The following IL1RAPL1 variants were observed in gnomAD, a reference collection of about 807,000 sequenced individuals.
IL1RAPL1 encodes the protein interleukin 1 receptor accessory protein like 1.
IL1RAPL1 carries 3 observed loss-of-function variants against 48.4 expected under a neutral mutation model. The ratio of observed to expected loss-of-function variants is 0.06; its 90% CI spans 0.03 to 0.16. The LOEUF (loss-of-function observed/expected upper bound fraction) is 0.16. Among genes scored for constraint, IL1RAPL1 ranks in the 10% least tolerant of loss-of-function variants. The probability of loss-of-function intolerance (pLI) is 1.00; values close to 1 mark genes in which losing one functional copy is unlikely to be tolerated. For missense variants in IL1RAPL1, 349 were observed against 530.6 expected (o/e 0.66, Z 3.36); for synonymous variants, 185 against 187.7 (o/e 0.99, Z 0.12).
chrX:29,406,717 A>G lies in IL1RAPL1; in HGVS notation c.703+7409A>G, dbSNP rs762770939. 2.0e-4 allele frequency among the ~76,000 whole-genome samples: 19 copies of G among 96,881 alleles called. No individual in the cohort carries two copies. The South Asian group carries it at 6.1e-3, about 31-fold the overall frequency. The allele number at this position is 96,881 out of a possible 115,157, so 84.1% of individuals were successfully genotyped here. ...TAAGTCAAATAACATCAGTTTTCTT[A>G]TATTGTTAAGTCAAATGCCTGCCTG... On this transcript the variant is annotated intron_variant, in intron 5 of 10. Transcript: ENST00000378993.
intron 1 of IL1RAPL1, among the ~76,000 whole-genome samples, chrX:28,748,114 A>G (rs1936000041): frequency 8.9e-6 from 1 of 112,074 alleles, no homozygotes; most frequent in Non-Finnish European, 1.9e-5. Flanking sequence ...TGTGTTTTAT[A>G]TGTCCTCTTT....
intron 5 of IL1RAPL1, among the ~76,000 whole-genome samples, chrX:29,634,429 A>G (rs902642843): frequency 9.0e-6 from 1 of 111,535 alleles, no homozygotes; most frequent in African/African-American, 3.3e-5. Context: ...AGAATTGCTG[A>G]GGGAGGGTGA....
intron 3 of IL1RAPL1, among the ~76,000 whole-genome samples, chrX:29,394,155 A>G (rs1020644330): frequency 9.1e-6 from 1 of 109,860 alleles, no homozygotes; most frequent in Admixed American, 9.9e-5. Context: ...TCTTAAGTAT[A>G]TTTTGAACAT....
chrX:29,296,411 G>A (rs888227408), intron 3 of IL1RAPL1, among the ~76,000 whole-genome samples: 6 of 111,251 alleles, frequency 5.4e-5, no homozygotes, highest in African/African-American at 1.6e-4. Context: ...AGAGCCAAAA[G>A]TATCCCTTCA....
At chrX:29,243,182 G>A (rs193011215) in intron 2 of IL1RAPL1, among the ~76,000 whole-genome samples, 12 of 112,383 alleles carry the variant, frequency 1.1e-4, no homozygotes, top group Admixed American at 6.6e-4. Context: ...ATTGCAAAGC[G>A]TATTTGGAAT....
At chrX:29,365,577 C>T (rs1933441393) in intron 3 of IL1RAPL1, among the ~76,000 whole-genome samples, 1 of 108,109 alleles carries the variant, frequency 9.2e-6, no homozygotes, top group South Asian at 4.1e-4. Flanking sequence ...ACATGCTATT[C>T]GGGGGGCTGA....
chrX:29,410,181 C>T (rs1389242908), intron 5 of IL1RAPL1, among the ~76,000 whole-genome samples: 1 of 109,766 alleles, frequency 9.1e-6, no homozygotes, highest in East Asian at 2.9e-4. Context: ...TTCCAGTGCT[C>T]GCCAGGTGCA....
chrX:28,878,692 C>A (rs1922434323), intron 2 of IL1RAPL1, among the ~76,000 whole-genome samples: 1 of 111,434 alleles, frequency 9.0e-6, no homozygotes, highest in Non-Finnish European at 1.9e-5. Context: ...AGACAGTAAG[C>A]CTCCAGAAGT....
chrX:29,496,442 C>T (rs1320403380), intron 5 of IL1RAPL1, among the ~76,000 whole-genome samples: 3 of 103,681 alleles, frequency 2.9e-5, no homozygotes, highest in Admixed American at 1.1e-4. Flanking sequence ...AAGTGTATGG[C>T]ATCTCCCTCC....
intron 6 of IL1RAPL1, among the ~76,000 whole-genome samples, chrX:29,803,481 A>G (rs1226294249): frequency 1.1e-4 from 11 of 98,246 alleles, no homozygotes; most frequent in African/African-American, 1.5e-4. Context: ...GTATACATAT[A>G]TGTATACATC....
chrX:29,327,875 A>C (rs140751411), intron 3 of IL1RAPL1, among the ~76,000 whole-genome samples: 1,575 of 110,976 alleles, frequency 0.014, 25 homozygotes, highest in African/African-American at 0.049. Flanking sequence ...ATGCTAAAGC[A>C]TCTGTAGACA....
intron 6 of IL1RAPL1, among the ~76,000 whole-genome samples, chrX:29,770,078 T>A (rs1272655129): frequency 4.4e-5 from 5 of 112,443 alleles, no homozygotes; most frequent in Non-Finnish European, 7.5e-5. Context: ...ATTCTGTTTT[T>A]AACAATAAAA....
chrX:29,226,455 T>C (rs1458760207), intron 2 of IL1RAPL1, among the ~76,000 whole-genome samples: 2 of 106,435 alleles, frequency 1.9e-5, no homozygotes, highest in Non-Finnish European at 3.9e-5. Context: ...TTTTTTTTTT[T>C]TTTTTTGAAA....
chrX:28,846,320 C>T (rs1921507417), intron 2 of IL1RAPL1, among the ~76,000 whole-genome samples: 1 of 111,768 alleles, frequency 8.9e-6, no homozygotes, highest in African/African-American at 3.2e-5. Context: ...TTTATGTGTT[C>T]ACCTACTGAA....
At chrX:28,616,133 A>G (rs1330728875) in intron 1 of IL1RAPL1, among the ~76,000 whole-genome samples, 1 of 112,439 alleles carries the variant, frequency 8.9e-6, no homozygotes, top group African/African-American at 3.2e-5. Flanking sequence ...GTTGATTAGC[A>G]TGTCATATGA....
intron 2 of IL1RAPL1, among the ~76,000 whole-genome samples, chrX:29,102,049 C>T (rs773994583): frequency 4.5e-5 from 5 of 111,160 alleles, no homozygotes; most frequent in Admixed American, 2.9e-4. Context: ...TCATATCAAC[C>T]GAATGAAGGA....
chrX:28,804,406 C>G (rs1429569774), intron 2 of IL1RAPL1, among the ~76,000 whole-genome samples: 1 of 111,624 alleles, frequency 9.0e-6, no homozygotes, highest in East Asian at 2.8e-4. Context: ...AATTTAGTGT[C>G]TTAAAACAAC....
chrX:28,806,330 C>T (rs988185858), intron 2 of IL1RAPL1, among the ~76,000 whole-genome samples: 1 of 111,689 alleles, frequency 9.0e-6, no homozygotes, highest in Non-Finnish European at 1.9e-5. Context: ...AGATGGCACT[C>T]CTTCTTTAGC....
intron 6 of IL1RAPL1, among the ~76,000 whole-genome samples, chrX:29,711,043 GGT>G (rs768108356): frequency 0.15 from 10,563 of 68,965 alleles, 1,111 homozygotes; most frequent in African/African-American, 0.34. Flanking sequence ...CCATGAGCAT[GGT>G]GTGTGTGTGT....
Sources: gnomAD v4.1 joint callset for allele counts (sites outside exome capture counted in the v4.1 genomes callset) on GRCh38, gnomAD v4.1.1 for gene constraint, MANE v1.5 for transcripts, NCBI Gene and HGNC (gene_info 2026-07-23, HGNC 2026-07-21) for gene names.